NDUFAF5: variants seen among roughly 807,000 people sequenced by gnomAD.
NDUFAF5 encodes the protein NADH:ubiquinone oxidoreductase complex assembly factor 5, also known as arginine-hydroxylase NDUFAF5, mitochondrial.
NDUFAF5 carries 34 observed loss-of-function variants against 48.9 expected under a neutral mutation model. The ratio of observed to expected loss-of-function variants is 0.70; its 90% CI spans 0.53 to 0.93. The LOEUF is 0.93. Among genes scored for constraint, NDUFAF5 ranks in the 40% least tolerant of loss-of-function variants. The pLI, the probability that NDUFAF5 is intolerant of heterozygous loss-of-function variation, is 0.00. For missense variants in NDUFAF5, 428 were observed against 427.5 expected (o/e 1.00, Z -0.01); for synonymous variants, 153 against 150.6 (o/e 1.02, Z -0.12).
intron 1 of NDUFAF5, among the ~76,000 whole-genome samples, chr20:13,785,944 A>G (rs1600309537): frequency 6.6e-6 from 1 of 151,948 alleles, no homozygotes; most frequent in Admixed American, 6.6e-5. Flanking sequence ...TGTGGCTCTC[A>G]TGATTTTTGG....
intron 1 of NDUFAF5, 41 bp downstream of exon 1, chr20:13,785,331 G>A: frequency 1.3e-6 from 2 of 1,533,124 alleles, no homozygotes; most frequent in Non-Finnish European, 1.8e-6. Flanking sequence ...CGGGCGACGC[G>A]GAGGCTTGTT....
chr20:13,814,296 A>T, intron 8 of NDUFAF5: 1 of 435,854 alleles, frequency 2.3e-6, no homozygotes, highest in Non-Finnish European at 4.3e-6. Flanking sequence ...CAGGTGTGCC[A>T]TTCTGCTGAC....
In NDUFAF5 at chr20:13,820,854, G is replaced by A. The variant is rs1437160267; in HGVS notation, c.*3644G>A. On this transcript the variant is annotated 3_prime_UTR_variant, in exon 11 of 11. Coordinates refer to ENST00000378106, the MANE Select transcript of NDUFAF5 (RefSeq NM_024120.5). ...TAGTTGATGCAGTGATTATTATTCT[G>A]TTCCTTTGTAAGTTACCATTAGCCT... The A allele has an allele frequency of 1.3e-5, 2 of 152,158 alleles. No homozygotes were observed. Among genetic ancestry groups the A allele is most frequent in the East Asian group, 3.8e-4 (2 of 5,198 alleles). 9.4% of individuals were successfully genotyped at this position (152,158 alleles called of 1,614,324 possible). A position where few individuals can be genotyped will look rare whatever the true frequency, so the allele number is the denominator to read the frequency against.
chr20:13,816,688 T>C (rs550346527), intron 9 of NDUFAF5, 142 bp downstream of exon 9: 1 of 797,120 alleles, frequency 1.3e-6, no homozygotes, highest in South Asian at 1.4e-5. Flanking sequence ...ACACAGATCC[T>C]GTAGCTTTTT....
intron 5 of NDUFAF5, among the ~76,000 whole-genome samples, chr20:13,797,244 T>C (rs539307271): frequency 6.6e-6 from 1 of 152,328 alleles, no homozygotes; most frequent in African/African-American, 2.4e-5. Context: ...TGCTCCTTGG[T>C]GTTTACCCAA....
chr20:13,818,256 T>C lies in NDUFAF5; in HGVS notation c.*1046T>C. The C allele has an allele frequency of 2.2e-6, 1 of 453,832 alleles. No individual in the cohort carries two copies. Among genetic ancestry groups the C allele is most frequent in the Non-Finnish European group, 4.4e-6 (1 of 226,734 alleles). 28.1% of individuals were successfully genotyped at this position (453,832 alleles called of 1,614,324 possible). On this transcript the variant is annotated 3_prime_UTR_variant, in exon 11 of 11. Coordinates refer to ENST00000378106, the MANE Select transcript of NDUFAF5 (RefSeq NM_024120.5). ...ATTCAGTTACATTTTGAACTAATTA[T>C]ATAACAAACTTGCCCTTTGAAAGAC...
At chr20:13,814,301 G>C (rs377638437) in intron 8 of NDUFAF5, 1 of 450,116 alleles carries the variant, frequency 2.2e-6, no homozygotes, top group African/African-American at 2.0e-5. Context: ...GTGCCATTCT[G>C]CTGACTAGAA....
chr20:13,795,346 T>G (rs575395432), intron 5 of NDUFAF5, among the ~76,000 whole-genome samples: 1 of 152,188 alleles, frequency 6.6e-6, no homozygotes, highest in Non-Finnish European at 1.5e-5. Flanking sequence ...CTATCACAGA[T>G]GAGTTTAGCA....
intron 8 of NDUFAF5, among the ~76,000 whole-genome samples, chr20:13,809,846 C>G (rs1168294128): frequency 2.0e-5 from 3 of 152,130 alleles, no homozygotes; most frequent in Admixed American, 2.0e-4. Flanking sequence ...TTTTGCAGTT[C>G]CTGCTGGTGG....
At position 13,801,119 on chromosome 20, in the gene NDUFAF5, T is replaced by C. The variant is rs117628367; in HGVS notation, c.520-367T>C. Among the ~76,000 whole-genome samples, 958 of 152,308 alleles carry C rather than the reference T, an allele frequency of 6.3e-3. 7 individuals are homozygous for C. Among genetic ancestry groups the C allele is most frequent in the Non-Finnish European group, 8.6e-3 (587 of 68,016 alleles). ...ATGAAAGTTGTTAGAAAACGACGTT[T>C]CAGAGGCCATAGATGCAGGGAGGTT... On this transcript the variant is annotated intron_variant, in intron 6 of 10. Coordinates refer to ENST00000378106, the MANE Select transcript of NDUFAF5 (RefSeq NM_024120.5).
At chr20:13,804,722 G>C (rs1240814540) in intron 7 of NDUFAF5, among the ~76,000 whole-genome samples, 1 of 152,132 alleles carries the variant, frequency 6.6e-6, no homozygotes, top group African/African-American at 2.4e-5. Context: ...ATTCAGTCTT[G>C]CAACAAACAT....
intron 7 of NDUFAF5, among the ~76,000 whole-genome samples, chr20:13,805,467 A>G (rs1353911405): frequency 6.6e-6 from 1 of 152,218 alleles, no homozygotes; most frequent in Non-Finnish European, 1.5e-5. Context: ...TATTCTCTAA[A>G]AATGAGCCTA....
intron 4 of NDUFAF5, among the ~76,000 whole-genome samples, 177 bp from the exon 5 acceptor site, chr20:13,794,661 T>C (rs1445817831): frequency 4.6e-5 from 7 of 152,228 alleles, no homozygotes; most frequent in Non-Finnish European, 8.8e-5. Context: ...TTTTTCTGGC[T>C]GATGTTAAGT....
Position 13,788,454 on chromosome 20 carries a change from G to T in NDUFAF5, c.264-135G>T. The T allele has an allele frequency of 1.6e-5, 11 of 705,766 alleles. No individual in the cohort carries two copies. The South Asian group carries it at 1.7e-4, about 11-fold the overall frequency. 43.7% of individuals were successfully genotyped at this position (705,766 alleles called of 1,614,324 possible). On this transcript the variant is annotated intron_variant, in intron 2 of 10. Coordinates refer to ENST00000378106, the MANE Select transcript of NDUFAF5 (RefSeq NM_024120.5). ...AGGCTCTGGTATATACAGCTTGTAA[G>T]GTGAGGCTGAAAAGGCAGATGATGT...
rs775669729 is a variant in NDUFAF5, at chr20:13,785,307, G to A, written c.222+17G>A. ...AAGGAGGAGGTGAGCCCGCGGGGCG[G>A]CGGGGCGGCGGGGCGGGCGACGCGG... On this transcript the variant is annotated intron_variant, in intron 1 of 10. Transcript: ENST00000378106. 1.9e-6 allele frequency: 3 copies of A among 1,571,774 alleles called. No individual in the cohort carries two copies. The highest frequency in any genetic ancestry group is 1.8e-5 in the Admixed American group (1 of 56,750).
rs117563869 is a variant in NDUFAF5, at chr20:13,808,755, G to A, written c.718-87G>A. ...ATTTTTTGCTTAGCATGGGAGATTG[G>A]TCTGGGTAGTCTCTGCGGCCTCTTT... is the stretch of plus-strand genomic sequence containing the variant. On this transcript the variant is annotated intron_variant, in intron 7 of 10. Transcript: ENST00000378106. 10,110 of 817,298 alleles carry A rather than the reference G, an allele frequency of 0.012. 94 individuals carry two copies. The highest frequency in any genetic ancestry group is 0.022 in the Middle Eastern group (66 of 3,028). The allele number at this position is 817,298 out of a possible 1,614,324, so 50.6% of individuals were successfully genotyped here. A position where few individuals can be genotyped will look rare whatever the true frequency, so the allele number is the denominator to read the frequency against.
At chr20:13,817,003 A>C in intron 10 of NDUFAF5, 46 bp downstream of exon 10, 1 of 1,553,666 alleles carries the variant, frequency 6.4e-7, no homozygotes, top group Non-Finnish European at 8.9e-7. Context: ...GTTCGTGTTC[A>C]GATTATTGTT....
chr20:13,799,625 G>C (rs1197255986), intron 6 of NDUFAF5, among the ~76,000 whole-genome samples: 1 of 151,894 alleles, frequency 6.6e-6, no homozygotes, highest in Non-Finnish European at 1.5e-5. Context: ...CTTGAACACG[G>C]GAGGCAGAGG....
At chr20:13,785,839 A>G (rs1980977688) in intron 1 of NDUFAF5, among the ~76,000 whole-genome samples, 1 of 152,196 alleles carries the variant, frequency 6.6e-6, no homozygotes, top group African/African-American at 2.4e-5. Flanking sequence ...GGGTCACATG[A>G]AATATATTAA....
Sources: gnomAD v4.1 joint callset for allele counts (sites outside exome capture counted in the v4.1 genomes callset) on GRCh38, gnomAD v4.1.1 for gene constraint, MANE v1.5 for transcripts, NCBI Gene and HGNC (gene_info 2026-07-23, HGNC 2026-07-21) for gene names.